USP37: variants seen among roughly 807,000 people sequenced by gnomAD.
The protein encoded by USP37 is ubiquitin specific peptidase 37.
In USP37, 27 loss-of-function variants were observed where a neutral mutation model predicts 124.0. The ratio of observed to expected loss-of-function variants is 0.22; its 90% CI spans 0.16 to 0.30. The LOEUF is 0.30. Among genes scored for constraint, USP37 ranks in the 10% least tolerant of loss-of-function variants. The pLI, the probability that USP37 is intolerant of heterozygous loss-of-function variation, is 1.00. For synonymous variants in USP37, 365 were observed against 388.0 expected, an observed-to-expected ratio of 0.94 and a Z score of 0.70; for missense variants, 889 against 1,140.4, an observed-to-expected ratio of 0.78 and a Z score of 3.17.
intron 23 of USP37, among the ~76,000 whole-genome samples, chr2:218,458,266 A>C (rs532625854): frequency 2.0e-5 from 3 of 149,838 alleles, no homozygotes; most frequent in Non-Finnish European, 3.0e-5. Flanking sequence ...AAAAAAAAAA[A>C]AAAAAAAAAA....
At chr2:218,542,729 C>T (rs1559219147) in intron 8 of USP37, among the ~76,000 whole-genome samples, 1 of 152,172 alleles carries the variant, frequency 6.6e-6, no homozygotes, top group Non-Finnish European at 1.5e-5. Context: ...AGGCAAACCT[C>T]TCAAAATCAT....
intron 11 of USP37, among the ~76,000 whole-genome samples, chr2:218,505,865 T>C (rs1218982437): frequency 1.2e-5 from 1 of 83,308 alleles, no homozygotes; most frequent in African/African-American, 5.4e-5. Context: ...TATAGCTGTT[T>C]TGTTGTTTTT....
intron 10 of USP37, among the ~76,000 whole-genome samples, chr2:218,520,158 G>A (rs1334988216): frequency 4.6e-5 from 7 of 151,700 alleles, no homozygotes; most frequent in African/African-American, 9.7e-5. Flanking sequence ...GGCTGGTCTC[G>A]AACTCCTGAC....
intron 11 of USP37, among the ~76,000 whole-genome samples, chr2:218,506,697 A>G (rs1689700851): frequency 6.7e-6 from 1 of 149,012 alleles, no homozygotes; most frequent in Admixed American, 6.8e-5. Flanking sequence ...TCTTTAATTT[A>G]AAACTTCATT....
chr2:218,549,712 G>A (rs1457487152), intron 6 of USP37, 97 bp downstream of exon 6: 63 of 1,108,880 alleles, frequency 5.7e-5, no homozygotes, highest in Middle Eastern at 2.3e-4. Context: ...TGATCCACCC[G>A]CCTCGGCCTC....
At chr2:218,566,906 A>G (rs1693633275) in intron 1 of USP37, among the ~76,000 whole-genome samples, 1 of 152,166 alleles carries the variant, frequency 6.6e-6, no homozygotes, top group Admixed American at 6.5e-5. Flanking sequence ...AAACTGGGAC[A>G]CTGGAGAAGA....
chr2:218,513,171 T>C (rs1275100026), intron 10 of USP37, among the ~76,000 whole-genome samples: 5 of 151,842 alleles, frequency 3.3e-5, no homozygotes, highest in African/African-American at 7.3e-5. Flanking sequence ...GCTGGGACTA[T>C]AGGCGTGCAC....
intron 10 of USP37, among the ~76,000 whole-genome samples, chr2:218,521,479 T>G (rs1449208755): frequency 6.6e-6 from 1 of 152,072 alleles, no homozygotes; most frequent in East Asian, 1.9e-4. Context: ...CCTAATGCCC[T>G]CCCCTCCCCT....
Position 218,451,506 on chromosome 2 carries a change from G to A in USP37, c.*3424C>T, listed in dbSNP as rs1689475914. The A allele has an allele frequency of 6.6e-6, 1 of 152,096 alleles. No individual in the cohort carries two copies. 9.4% of individuals were successfully genotyped at this position (152,096 alleles called of 1,614,324 possible). A position where few individuals can be genotyped will look rare whatever the true frequency, so the allele number is the denominator to read the frequency against. On this transcript the variant is annotated 3_prime_UTR_variant, in exon 26 of 26. Coordinates refer to ENST00000258399, the MANE Select transcript of USP37 (RefSeq NM_020935.3). ...GCTTTAATATAACCTCTTTTCAGTA[G>A]ATCACAAATGAGTTTACAAACTACT...
intron 21 of USP37, 86 bp from the exon 22 acceptor site, chr2:218,463,452 G>C: frequency 4.1e-6 from 5 of 1,226,704 alleles, no homozygotes; most frequent in South Asian, 3.7e-5. Flanking sequence ...TTCTCTGGAA[G>C]CATTTGCTAA....
chr2:218,532,063 C>A (rs576269125), intron 9 of USP37, among the ~76,000 whole-genome samples: 1 of 152,266 alleles, frequency 6.6e-6, no homozygotes, highest in African/African-American at 2.4e-5. Flanking sequence ...AAGGACTGAT[C>A]CCAATTTTGA....
chr2:218,566,749 T>C (rs543556851), intron 1 of USP37, among the ~76,000 whole-genome samples: 3 of 152,204 alleles, frequency 2.0e-5, no homozygotes, highest in Non-Finnish European at 4.4e-5. Context: ...CCAGGTTTTT[T>C]AAGGACTGTG....
rs573791556 is a variant in USP37 at position 218,455,822 on chromosome 2, C to T, written c.2714-104G>A. On this transcript the variant is annotated intron_variant, in intron 24 of 25. Transcript: ENST00000258399. ...CAGCACTTTGGGAGGCTGAGGCAGGCGGATCACGAGGTCAGGAGTTTGAGA... is the reference window on the plus strand; with the variant it reads ...CAGCACTTTGGGAGGCTGAGGCAGGTGGATCACGAGGTCAGGAGTTTGAGA... The T allele has an allele frequency of 7.2e-4, 897 of 1,248,408 alleles. 1 individual carries two copies. The African/African-American group carries it at 0.012, about 16-fold the overall frequency. The allele number at this position is 1,248,408 out of a possible 1,614,324, so 77.3% of individuals were successfully genotyped here.
intron 10 of USP37, among the ~76,000 whole-genome samples, chr2:218,527,252 C>G (rs1029696276): frequency 3.9e-5 from 6 of 152,276 alleles, no homozygotes; most frequent in Middle Eastern, 6.8e-3. Context: ...CATTGTTGTC[C>G]CATTTTCATG....
chr2:218,489,847 G>C (rs1444261840), intron 14 of USP37, among the ~76,000 whole-genome samples: 2 of 152,112 alleles, frequency 1.3e-5, no homozygotes, highest in African/African-American at 4.8e-5. Flanking sequence ...CTTTTATAAT[G>C]GGATTATGCA....
chr2:218,527,039 C>T (rs1245938495), intron 10 of USP37, among the ~76,000 whole-genome samples: 3 of 152,050 alleles, frequency 2.0e-5, no homozygotes, highest in Admixed American at 2.0e-4. Flanking sequence ...CCACCCGCCT[C>T]GGCCTCCCAA....
intron 1 of USP37, among the ~76,000 whole-genome samples, chr2:218,563,550 G>A (rs1693425671): frequency 6.6e-6 from 1 of 152,136 alleles, no homozygotes; most frequent in Non-Finnish European, 1.5e-5. Context: ...TTCTTTCAAA[G>A]CTAACATTGT....
At position 218,485,772 on chromosome 2, in the gene USP37, A is replaced by G. The variant is rs144155786; in HGVS notation, c.1591-29T>C. ...TAAAAAGAAGGAAAAATAAAGCATG[A>G]AGGTGAATCAGCATTAGTATCTTAA... On this transcript the variant is annotated intron_variant, in intron 15 of 25. Transcript: ENST00000258399. 629 of 1,589,984 alleles carry G rather than the reference A, an allele frequency of 4.0e-4. 1 individual carries two copies. The highest frequency in any genetic ancestry group is 7.6e-4 in the Admixed American group (41 of 53,832).
At chr2:218,456,787 T>C (rs752346631) in intron 24 of USP37, among the ~76,000 whole-genome samples, 1 of 152,064 alleles carries the variant, frequency 6.6e-6, no homozygotes, top group Admixed American at 6.6e-5. Flanking sequence ...CTGGCCAATA[T>C]GGTGAAACCC....
Sources: allele counts gnomAD v4.1 joint callset (sites outside exome capture counted in the v4.1 genomes callset), GRCh38; gene constraint gnomAD v4.1.1; transcripts MANE v1.5; gene names NCBI Gene and HGNC (gene_info 2026-07-23, HGNC 2026-07-21).